The following PACRGL variants were observed in gnomAD, a reference collection of about 807,000 sequenced individuals.
PACRGL encodes parkin coregulated like.
Under a neutral mutation model 34.5 loss-of-function variants are expected in PACRGL, and 38 were observed. The ratio of observed to expected loss-of-function variants is 1.10; its 90% CI spans 0.85 to 1.44. PACRGL has a LOEUF of 1.44. PACRGL is among the 40% of genes most tolerant of loss of function. The pLI is 0.00. For missense variants in PACRGL, 305 were observed against 281.4 expected (o/e 1.08, Z -0.60); for synonymous variants, 128 against 100.1 (o/e 1.28, Z -1.66).
chr4:20,754,495 T>C (rs1754170101), downstream of PACRGL, among the ~76,000 whole-genome samples: 1 of 152,216 alleles, frequency 6.6e-6, no homozygotes, highest in Non-Finnish European at 1.5e-5. Flanking sequence ...AGAGATCACA[T>C]TCTTCCTTAG....
At chr4:20,761,676 C>A in the PACRGL span, among the ~76,000 whole-genome samples, 1 of 152,098 alleles carries the variant, frequency 6.6e-6, no homozygotes, top group African/African-American at 2.4e-5. Flanking sequence ...TCTGCATCAA[C>A]AAATTTGTTA....
the PACRGL span, among the ~76,000 whole-genome samples, chr4:20,760,779 A>G: frequency 6.6e-6 from 1 of 152,232 alleles, no homozygotes; most frequent in East Asian, 1.9e-4. Context: ...ACCCCTGTGG[A>G]AATAATGATG....
chr4:20,730,350 C>T lies in PACRGL; in HGVS notation c.*3009C>T, dbSNP rs1271734579. On this transcript the variant is annotated 3_prime_UTR_variant, in exon 9 of 9. Coordinates refer to ENST00000503585, the MANE Select transcript of PACRGL (RefSeq NM_001258345.3). Reference sequence around the variant, plus strand: ...TTTATATTTTGTGGAGTCTATTGACCAGGCATTAAACCACTTTATTTAAAT... The same window carrying T: ...TTTATATTTTGTGGAGTCTATTGACTAGGCATTAAACCACTTTATTTAAAT... 6.6e-6 allele frequency among the ~76,000 whole-genome samples: 1 copy of T among 152,020 alleles called. No individual in the cohort carries two copies. Among genetic ancestry groups the T allele is most frequent in the Non-Finnish European group, 1.5e-5 (1 of 68,016 alleles).
intron 1 of PACRGL, chr4:20,701,788 C>T (rs1342210805): frequency 4.4e-6 from 2 of 451,678 alleles, no homozygotes; most frequent in Non-Finnish European, 8.9e-6. Context: ...CCACCCATGC[C>T]AAAGTCCTCC....
At chr4:20,716,603 G>A (rs1183027040) in intron 7 of PACRGL, among the ~76,000 whole-genome samples, 1 of 152,134 alleles carries the variant, frequency 6.6e-6, no homozygotes, top group Admixed American at 6.5e-5. Flanking sequence ...CTGTCCTTGA[G>A]CTAGTTTGCT....
chr4:20,729,777 A>C lies in PACRGL; in HGVS notation c.*2436A>C, dbSNP rs895954577. The C allele has an allele frequency of 2.3e-5, 6 of 263,346 alleles. No individual in the cohort carries two copies. The highest frequency in any genetic ancestry group is 1.1e-3 in the Middle Eastern group (1 of 898). 16.3% of individuals were successfully genotyped at this position (263,346 alleles called of 1,614,324 possible). A position where few individuals can be genotyped will look rare whatever the true frequency, so the allele number is the denominator to read the frequency against. On this transcript the variant is annotated 3_prime_UTR_variant, in exon 9 of 9. Transcript: ENST00000503585. ...TATTTTAAAATCACTGATATGTGAAAGCCTCAATAATCCCATGGCTAAGGA... is the reference window on the plus strand; with the variant it reads ...TATTTTAAAATCACTGATATGTGAACGCCTCAATAATCCCATGGCTAAGGA...
At chr4:20,700,234 C>T (rs562871530), upstream of PACRGL, among the ~76,000 whole-genome samples, 18 of 152,340 alleles carry the variant, frequency 1.2e-4, no homozygotes, top group African/African-American at 4.1e-4. Context: ...CTCTGCTCTC[C>T]GGACCTCTTA....
At position 20,704,829 on chromosome 4, in the gene PACRGL, A is replaced by G. The variant is rs1733816988; in HGVS notation, c.207+15A>G. 1.9e-6 allele frequency: 3 copies of G among 1,612,616 alleles called. No homozygotes were observed. The highest frequency in any genetic ancestry group is 1.7e-4 in the Middle Eastern group (1 of 6,054). On this transcript the variant is annotated intron_variant, in intron 3 of 8. Transcript: ENST00000503585. ...CAATTAATCCGGTAGGTCCAAAACT[A>G]TTCCTAACTCAGTAGATTTTTTAAA...
chr4:20,727,372 A>G lies in PACRGL; in HGVS notation c.*31A>G, dbSNP rs565452972. On this transcript the variant is annotated 3_prime_UTR_variant, in exon 9 of 9. Transcript: ENST00000503585. Reference sequence around the variant, plus strand: ...GGAGCCAACAAAAATTGTTTTTTCTACCTGTTGACGTGTCAAGCACTAACT... The same window carrying G: ...GGAGCCAACAAAAATTGTTTTTTCTGCCTGTTGACGTGTCAAGCACTAACT... 108 of 1,554,524 alleles carry G rather than the reference A, an allele frequency of 6.9e-5. 1 individual carries two copies. The highest frequency in any genetic ancestry group is 7.5e-5 in the Non-Finnish European group (85 of 1,126,510).
At chr4:20,725,895 TGAG>T (rs1232169083) in intron 8 of PACRGL, among the ~76,000 whole-genome samples, 2 of 151,986 alleles carry the variant, frequency 1.3e-5, no homozygotes, top group African/African-American at 2.4e-5. Flanking sequence ...GACACCTTGT[TGAG>T]GAGATGTGCA....
At chr4:20,701,895 A>C (rs1045356842) in intron 1 of PACRGL, 13 of 456,284 alleles carry the variant, frequency 2.8e-5, no homozygotes, top group Middle Eastern at 3.6e-4. Context: ...GTAAAGGATA[A>C]AAATTTTAAG....
chr4:20,763,176 C>T, the PACRGL span, among the ~76,000 whole-genome samples: 4 of 152,156 alleles, frequency 2.6e-5, no homozygotes, highest in Non-Finnish European at 5.9e-5. Flanking sequence ...GTTGAACATA[C>T]CTAACCTGAA....
rs368447179 is a variant in PACRGL, at chr4:20,732,103, T to G, written c.*4762T>G. 1.0e-5 allele frequency: 15 copies of G among 1,460,472 alleles called. 1 individual carries two copies. In the African/African-American group the frequency reaches 1.7e-4, roughly 16 times the overall value. 90.5% of individuals were successfully genotyped at this position (1,460,472 alleles called of 1,614,324 possible). ...AAGAAAACAAAAATTGTATTTAGAC[T>G]TATCCCTTAATACCCTCACACCTGG... On this transcript the variant is annotated 3_prime_UTR_variant, in exon 9 of 9. Coordinates refer to ENST00000503585, the MANE Select transcript of PACRGL (RefSeq NM_001258345.3).
intron 1 of PACRGL, among the ~76,000 whole-genome samples, chr4:20,703,884 T>C (rs564000054): frequency 2.6e-4 from 40 of 152,204 alleles, no homozygotes; most frequent in Admixed American, 9.2e-4. Context: ...AAGGAGACAA[T>C]GGTGATTCTA....
the PACRGL span, chr4:20,766,703 G>A: frequency 6.6e-6 from 1 of 152,236 alleles, no homozygotes; most frequent in African/African-American, 2.4e-5. Context: ...TGCTAAGCCT[G>A]ACCTCATGTC....
the PACRGL span, among the ~76,000 whole-genome samples, chr4:20,761,553 A>G: frequency 1.4e-4 from 21 of 152,274 alleles, no homozygotes; most frequent in East Asian, 4.1e-3. Flanking sequence ...GAGAGAGTAA[A>G]TACCTGGCTC....
chr4:20,721,114 A>C (rs1226110092), intron 7 of PACRGL, among the ~76,000 whole-genome samples: 1 of 152,078 alleles, frequency 6.6e-6, no homozygotes, highest in Admixed American at 6.6e-5. Flanking sequence ...CACTCGATTG[A>C]GTCGGCTACT....
downstream of PACRGL, among the ~76,000 whole-genome samples, chr4:20,736,541 GA>G (rs1749673139): frequency 6.6e-6 from 1 of 152,018 alleles, no homozygotes; most frequent in African/African-American, 2.4e-5. Flanking sequence ...GCTGCAAATG[GA>G]ATTAATTTTA....
intron 7 of PACRGL, among the ~76,000 whole-genome samples, chr4:20,717,332 G>T (rs925218411): frequency 6.6e-6 from 1 of 152,176 alleles, no homozygotes; most frequent in Non-Finnish European, 1.5e-5. Flanking sequence ...AAGCTCTTTA[G>T]TTTAATTAGA....
Sources: allele counts gnomAD v4.1 joint callset (sites outside exome capture counted in the v4.1 genomes callset), GRCh38; gene constraint gnomAD v4.1.1; transcripts MANE v1.5; gene names NCBI Gene and HGNC (gene_info 2026-07-23, HGNC 2026-07-21).